The following CEACAM4 variants were observed in gnomAD, a reference collection of about 807,000 sequenced individuals.
The protein encoded by CEACAM4 is cell adhesion molecule CEACAM4.
CEACAM4 carries 30 observed loss-of-function variants against 28.7 expected under a neutral mutation model. The ratio of observed to expected loss-of-function variants is 1.05; its 90% CI spans 0.78 to 1.42. The LOEUF (loss-of-function observed/expected upper bound fraction) is 1.42. Ranked by LOEUF, CEACAM4 falls within the 40% of genes most tolerant of loss-of-function variation. The probability of loss-of-function intolerance (pLI) is 0.00; values close to 1 mark genes in which losing one functional copy is unlikely to be tolerated. For missense variants in CEACAM4, 330 were observed against 308.2 expected (o/e 1.07, Z -0.53); for synonymous variants, 143 against 126.5 (o/e 1.13, Z -0.87).
intron 2 of CEACAM4, among the ~76,000 whole-genome samples, chr19:41,622,667 T>C (rs2071363139): frequency 1.3e-5 from 2 of 152,148 alleles, no homozygotes; most frequent in Non-Finnish European, 2.9e-5. Flanking sequence ...TTTACTGCAT[T>C]GTTCCTGATT....
chr19:41,622,725 A>G (rs1555802071), intron 2 of CEACAM4, among the ~76,000 whole-genome samples: 1 of 152,196 alleles, frequency 6.6e-6, no homozygotes, highest in Non-Finnish European at 1.5e-5. Context: ...AGTTGATAGC[A>G]TCAGTTGAGC....
chr19:41,626,086 G>GTC, intron 1 of CEACAM4, 126 bp from the exon 2 acceptor site: 2 of 363,696 alleles, frequency 5.5e-6, no homozygotes, highest in Non-Finnish European at 9.2e-6. Context: ...GTGTGTGTGT[G>GTC]TGTGTGTGTG....
chr19:41,621,619 G>T (rs1287521267), intron 3 of CEACAM4, 32 bp downstream of exon 3: 3 of 1,260,488 alleles, frequency 2.4e-6, no homozygotes, highest in Middle Eastern at 1.9e-4. Context: ...TCAGCCTAGG[G>T]GTGGGAGGAG....
intron 1 of CEACAM4, 56 bp from the exon 2 acceptor site, chr19:41,626,016 G>T: frequency 6.5e-7 from 1 of 1,540,032 alleles, no homozygotes; most frequent in East Asian, 2.3e-5. Context: ...GGGATGGAAA[G>T]ATAAGGCCCT....
intron 1 of CEACAM4, among the ~76,000 whole-genome samples, 191 bp downstream of exon 1, chr19:41,626,709 G>A (rs1344198854): frequency 1.3e-5 from 2 of 152,162 alleles, no homozygotes; most frequent in Admixed American, 1.3e-4. Flanking sequence ...AGTTCACTGA[G>A]ATTTTCCTGT....
intron 5 of CEACAM4, 101 bp downstream of exon 5, chr19:41,620,110 A>G: frequency 9.2e-7 from 1 of 1,081,924 alleles, no homozygotes; most frequent in South Asian, 1.7e-5. Context: ...GTTCTGGGGA[A>G]AGGTGGGTCA....
chr19:41,619,470 CCCACCCAGGGCTTCTCTGGGG>C (rs2071117543), intron 6 of CEACAM4, 75 bp from the exon 7 acceptor site: 1 of 1,593,712 alleles, frequency 6.3e-7, no homozygotes. Flanking sequence ...AGGCTCTGGG[CCCACCCAGGGCTTCTCTGGGG>C]CTGAACCTGG....
downstream of CEACAM4, among the ~76,000 whole-genome samples, chr19:41,618,720 G>A (rs2071064422): frequency 6.6e-6 from 1 of 152,172 alleles, no homozygotes; most frequent in Admixed American, 6.5e-5. Flanking sequence ...GTGCTCCTGA[G>A]ACCCCACATG....
chr19:41,615,396 G>A (rs894005751), downstream of CEACAM4, among the ~76,000 whole-genome samples: 3 of 152,064 alleles, frequency 2.0e-5, no homozygotes, highest in East Asian at 3.8e-4. Flanking sequence ...GCGCAGTGAA[G>A]CCTCAGGTGT....
At chr19:41,614,651 G>A (rs1175209431), downstream of CEACAM4, among the ~76,000 whole-genome samples, 2 of 152,142 alleles carry the variant, frequency 1.3e-5, no homozygotes, top group Admixed American at 6.5e-5. Flanking sequence ...GATGCCAGGA[G>A]CCCTGAGATA....
At chr19:41,621,177 A>G (rs553178712) in intron 3 of CEACAM4, among the ~76,000 whole-genome samples, 1 of 152,152 alleles carries the variant, frequency 6.6e-6, no homozygotes, top group South Asian at 2.1e-4. Flanking sequence ...AGGTTCTCCC[A>G]TCTCACACCT....
At chr19:41,614,182 T>G (rs569838957), downstream of CEACAM4, among the ~76,000 whole-genome samples, 28 of 152,366 alleles carry the variant, frequency 1.8e-4, no homozygotes, top group South Asian at 1.4e-3. Flanking sequence ...GCTCGTCACT[T>G]GTCACATTGA....
In CEACAM4 at chr19:41,625,975, C is replaced by T. The variant is rs782801761; in HGVS notation, c.65-15G>A. ...TAAAAGTGAGGCTAGGAGGTGAAGA[C>T]AGCATCAGTCAATACTGGGACCTAT... On this transcript the variant is annotated splice_polypyrimidine_tract_variant and intron_variant, in intron 1 of 6. Transcript: ENST00000221954. 5.0e-6 allele frequency: 8 copies of T among 1,594,632 alleles called. No individual in the cohort carries two copies. The Admixed American group carries it at 1.4e-4, about 27-fold the overall frequency.
At chr19:41,615,725 GGC>G (rs200047765), downstream of CEACAM4, among the ~76,000 whole-genome samples, 2,162 of 152,202 alleles carry the variant, frequency 0.014, 54 homozygotes, top group African/African-American at 0.05. Flanking sequence ...GGACCCTGGT[GGC>G]TTCTCAGGTG....
At chr19:41,617,791 A>G (rs1161241999), downstream of CEACAM4, among the ~76,000 whole-genome samples, 1 of 152,190 alleles carries the variant, frequency 6.6e-6, no homozygotes, top group Admixed American at 6.5e-5. Flanking sequence ...GAACACAGCC[A>G]TGTGGGCACT....
chr19:41,626,108 G>A (rs1384157356), intron 1 of CEACAM4, 148 bp from the exon 2 acceptor site: 2 of 579,722 alleles, frequency 3.4e-6, no homozygotes, highest in African/African-American at 2.0e-5. Flanking sequence ...GTGTGTGTGT[G>A]TGTGTGTGTG....
chr19:41,620,608 G>A lies in CEACAM4; in HGVS notation c.562C>T (p.Leu188Phe). The change falls in exon 4 of 7, where the codon CTC becomes TTC. Residue 188 changes from leucine (L) to phenylalanine (F), a missense_variant. Coordinates refer to ENST00000221954, the MANE Select transcript of CEACAM4 (RefSeq NM_001817.4). ...RTGRASIQRDLREQPPPASTP... is the reference protein window; with the variant it reads ...RTGRASIQRDFREQPPPASTP... The stretch of plus-strand genomic sequence containing the variant: ...GAGGCTGGGGGCGGCTGCTCCCTGA[G>A]GTCACGCTGGATGCTGGCCCTAGGA... 1 of 1,612,982 alleles carries A rather than the reference G, an allele frequency of 6.2e-7. No homozygotes were observed. The highest frequency in any genetic ancestry group is 1.1e-5 in the South Asian group (1 of 91,026).
At chr19:41,615,034 G>A (rs1283331664), downstream of CEACAM4, among the ~76,000 whole-genome samples, 5 of 152,084 alleles carry the variant, frequency 3.3e-5, no homozygotes, top group Non-Finnish European at 4.4e-5. Flanking sequence ...GTTGGAACCT[G>A]CCTCTGGGGT....
chr19:41,625,581 G>T lies in CEACAM4; in HGVS notation c.424+20C>A. 3 of 1,556,370 alleles carry T rather than the reference G, an allele frequency of 1.9e-6. No homozygotes were observed. The highest frequency in any genetic ancestry group is 2.6e-6 in the Non-Finnish European group (3 of 1,150,396). The stretch of plus-strand genomic sequence containing the variant: ...GCAGAACTGACCGCCAGCACCCAGA[G>T]GTATGGGGGAATCACTCACGGTGTA... On this transcript the variant is annotated intron_variant, in intron 2 of 6. Coordinates refer to ENST00000221954, the MANE Select transcript of CEACAM4 (RefSeq NM_001817.4).
Sources: allele counts gnomAD v4.1 joint callset (sites outside exome capture counted in the v4.1 genomes callset), GRCh38; gene constraint gnomAD v4.1.1; transcripts MANE v1.5; gene names NCBI Gene and HGNC (gene_info 2026-07-23, HGNC 2026-07-21).